PCNX1: variants seen among roughly 807,000 people sequenced by gnomAD.
The protein encoded by PCNX1 is pecanex 1.
A neutral mutation model predicts 242.2 loss-of-function variants in PCNX1; 78 were observed. The ratio of observed to expected loss-of-function variants is 0.32; its 90% CI spans 0.27 to 0.39. PCNX1 has a LOEUF of 0.39. PCNX1 is among the 10% of genes least tolerant of loss of function. The pLI is 1.00. For synonymous variants in PCNX1, 1,024 were observed against 1,032.9 expected (o/e 0.99, Z 0.17); for missense variants, 2,581 against 2,856.5 (o/e 0.90, Z 2.20).
At chr14:71,084,243 G>A (rs575943384) in intron 28 of PCNX1, among the ~76,000 whole-genome samples, 21 of 152,302 alleles carry the variant, frequency 1.4e-4, no homozygotes, top group African/African-American at 3.4e-4. Flanking sequence ...AGGGGCACCC[G>A]GCAGGTGCCA....
In PCNX1 at chr14:71,047,005, C is replaced by A; in HGVS notation, c.4060C>A (p.Leu1354Ile). Reference sequence around the variant, plus strand: ...GTGGTTTGAGAAACTTCATGTGTGGCTTCTTTTTGTGGAGAAGAATATAAT... The same window carrying A: ...GTGGTTTGAGAAACTTCATGTGTGGATTCTTTTTGTGGAGAAGAATATAAT... ...MMWFEKLHVW[L>I]LFVEKNIIYP... The change falls in exon 21 of 36, where the codon CTT becomes ATT. Residue 1354 changes from leucine to isoleucine, a missense_variant. Leu to Ile is a conservative substitution (Grantham distance 5, BLOSUM62 2). Around this residue, in one of 9 missense-constraint regions of PCNX1, gnomAD observed 432 missense variants for 443.1 expected, o/e 0.97. Transcript: ENST00000304743. 5 of 1,610,432 alleles carry A rather than the reference C, an allele frequency of 3.1e-6. No homozygotes were observed. Among genetic ancestry groups the A allele is most frequent in the Non-Finnish European group, 4.2e-6 (5 of 1,177,686 alleles).
At chr14:70,996,069 AGG>A in intron 8 of PCNX1, 144 bp downstream of exon 8, 1 of 618,250 alleles carries the variant, frequency 1.6e-6, no homozygotes, top group Non-Finnish European at 2.8e-6. Context: ...CCTATGTGTT[AGG>A]AAAATGTGAC....
In PCNX1 at chr14:71,076,492, C is replaced by T. The variant is rs947025085; in HGVS notation, c.5337+73C>T. The T allele has an allele frequency of 1.6e-5, 15 of 930,314 alleles. No individual in the cohort carries two copies. In the Admixed American group the frequency reaches 2.1e-4, roughly 13 times the overall value. The allele number at this position is 930,314 out of a possible 1,614,324, so 57.6% of individuals were successfully genotyped here. A position where few individuals can be genotyped will look rare whatever the true frequency, so the allele number is the denominator to read the frequency against. On this transcript the variant is annotated intron_variant, in intron 28 of 35. Coordinates refer to ENST00000304743, the MANE Select transcript of PCNX1 (RefSeq NM_014982.3). ...GATGCAAAGAATGTCCCTGTTAGTTCTTATGAGGTCAGTTTTTCAAGACCT... is the reference window on the plus strand; with the variant it reads ...GATGCAAAGAATGTCCCTGTTAGTTTTTATGAGGTCAGTTTTTCAAGACCT...
chr14:70,912,693 T>C (rs2055976593), intron 1 of PCNX1, among the ~76,000 whole-genome samples: 1 of 152,134 alleles, frequency 6.6e-6, no homozygotes, highest in Admixed American at 6.6e-5. Flanking sequence ...TGTCATTCTT[T>C]TAAATATTCT....
At chr14:71,061,509 A>G (rs1355858311) in intron 26 of PCNX1, among the ~76,000 whole-genome samples, 1 of 152,164 alleles carries the variant, frequency 6.6e-6, no homozygotes, top group African/African-American at 2.4e-5. Context: ...GATCCAACCA[A>G]TGGATCAAGA....
chr14:71,033,313 A>G (rs2060441929), intron 16 of PCNX1, 116 bp from the exon 17 acceptor site: 2 of 573,906 alleles, frequency 3.5e-6, no homozygotes, highest in African/African-American at 1.9e-5. Flanking sequence ...TAACGTGGCT[A>G]AAAACTTTTG....
rs115361966 is a variant in PCNX1 at position 71,058,491 on chromosome 14, T to C, written c.4852+767T>C. On this transcript the variant is annotated intron_variant, in intron 26 of 35. Coordinates refer to ENST00000304743, the MANE Select transcript of PCNX1 (RefSeq NM_014982.3). ...GCTTGAAGTCCTGTTACTGAATATC[T>C]TTCCAGTCTAGGAAACATTTTGACT... Among the ~76,000 whole-genome samples the C allele has an allele frequency of 8.5e-3, 1,302 of 152,354 alleles. 21 individuals are homozygous for C. Among genetic ancestry groups the C allele is most frequent in the African/African-American group, 0.03 (1,253 of 41,582 alleles).
chr14:71,005,206 G>T (rs1030423964), intron 8 of PCNX1, among the ~76,000 whole-genome samples: 2 of 152,138 alleles, frequency 1.3e-5, no homozygotes, highest in African/African-American at 4.8e-5. Context: ...AATGAGTGAT[G>T]TCAAGAATGC....
rs1351749141 is a variant in PCNX1, at chr14:71,067,058, G to T, written c.4853-6487G>T. 3.3e-5 allele frequency among the ~76,000 whole-genome samples: 5 copies of T among 151,816 alleles called. No homozygotes were observed. The East Asian group carries it at 7.7e-4, about 23-fold the overall frequency. On this transcript the variant is annotated intron_variant, in intron 26 of 35. Transcript: ENST00000304743. ...TCATTGATGTTCATCAGGTATATTG[G>T]CCTGAAATTTTCTTTTTTTTTTTTA...
At chr14:70,964,847 C>T (rs1478802001) in intron 3 of PCNX1, among the ~76,000 whole-genome samples, 1 of 152,116 alleles carries the variant, frequency 6.6e-6, no homozygotes, top group Admixed American at 6.5e-5. Context: ...TATTGTGCTA[C>T]TTGGATTTTA....
intron 2 of PCNX1, among the ~76,000 whole-genome samples, chr14:70,958,459 T>C (rs1595048139): frequency 6.6e-6 from 1 of 152,214 alleles, no homozygotes; most frequent in East Asian, 1.9e-4. Context: ...GGGAATTTAC[T>C]ACTCACATTA....
intron 1 of PCNX1, among the ~76,000 whole-genome samples, chr14:70,935,688 G>A (rs535722049): frequency 2.0e-5 from 3 of 152,232 alleles, no homozygotes; most frequent in African/African-American, 4.8e-5. Context: ...AATATCAATC[G>A]TTTTTATCTT....
At position 70,977,822 on chromosome 14, in the gene PCNX1, T is replaced by C. The variant is rs776774057; in HGVS notation, c.1485T>C (p.His495=). The C allele has an allele frequency of 5.6e-6, 9 of 1,613,880 alleles. No individual in the cohort carries two copies. In the African/African-American group the frequency reaches 1.1e-4, roughly 19 times the overall value. Residue 495 remains histidine, a synonymous_variant, in exon 6 of 36, where the codon CAT becomes CAC. Transcript: ENST00000304743. ...SASEEANKNP[H]ANEFTSQGDR... ...CTGAAGAAGCCAATAAAAATCCCCA[T>C]GCAAATGAATTTACTTCCCAAGGGG...
chr14:71,048,030 C>T, intron 22 of PCNX1, 46 bp downstream of exon 22: 1 of 1,410,198 alleles, frequency 7.1e-7, no homozygotes. Flanking sequence ...AAAACTATCT[C>T]CCTGGGTTAT....
At chr14:70,925,247 C>T (rs1399415089) in intron 1 of PCNX1, among the ~76,000 whole-genome samples, 1 of 152,178 alleles carries the variant, frequency 6.6e-6, no homozygotes, top group East Asian at 1.9e-4. Flanking sequence ...CTTCAGCCTC[C>T]CAAAGTGCTG....
intron 30 of PCNX1, among the ~76,000 whole-genome samples, chr14:71,095,031 C>T (rs1360777490): frequency 2.3e-4 from 35 of 152,212 alleles, no homozygotes; most frequent in East Asian, 1.9e-4. Context: ...TAGATCACCA[C>T]GACCCAGAAA....
intron 8 of PCNX1, among the ~76,000 whole-genome samples, chr14:71,005,374 G>C (rs959669956): frequency 6.6e-6 from 1 of 152,058 alleles, no homozygotes; most frequent in African/African-American, 2.4e-5. Context: ...CAGGCACTGT[G>C]GCGTGTGCCT....
chr14:71,051,825 G>A, intron 23 of PCNX1, 58 bp from the exon 24 acceptor site: 1 of 1,563,180 alleles, frequency 6.4e-7, no homozygotes, highest in Non-Finnish European at 8.7e-7. Context: ...TTTTGCGAGG[G>A]TTTGTTTGGC....
intron 16 of PCNX1, among the ~76,000 whole-genome samples, 191 bp downstream of exon 16, chr14:71,028,982 C>T (rs3814869): frequency 0.37 from 55,628 of 151,854 alleles, 10,457 homozygotes; most frequent in East Asian, 0.62. Context: ...TTAACCATTA[C>T]TAAAAGAAAA....
Sources: allele counts gnomAD v4.1 joint callset (sites outside exome capture counted in the v4.1 genomes callset), GRCh38; gene constraint gnomAD v4.1.1; regional missense constraint gnomAD v4.1.1; transcripts MANE v1.5; gene names NCBI Gene and HGNC (gene_info 2026-07-23, HGNC 2026-07-21).